SYNPO2: variants seen among roughly 807,000 people sequenced by gnomAD.
SYNPO2 encodes the protein synaptopodin-2.
In SYNPO2, 56 loss-of-function variants were observed where a neutral mutation model predicts 85.0. The observed-to-expected ratio is 0.66, with a 90% CI of 0.53 to 0.82. SYNPO2 has a LOEUF of 0.82. SYNPO2 is among the 40% of genes least tolerant of loss of function. The pLI, the probability that SYNPO2 is intolerant of heterozygous loss-of-function variation, is 0.00. For synonymous variants in SYNPO2, 602 were observed against 591.1 expected, an observed-to-expected ratio of 1.02 and a Z score of -0.27; for missense variants, 1,575 against 1,534.2, an observed-to-expected ratio of 1.03 and a Z score of -0.44.
chr4:118,914,097 G>T (rs575354046), intron 1 of SYNPO2, among the ~76,000 whole-genome samples: 1 of 152,324 alleles, frequency 6.6e-6, no homozygotes, highest in East Asian at 1.9e-4. Context: ...GGGGTCAGGA[G>T]AGGAGTGGAC....
At chr4:118,954,678 T>C (rs973683168) in intron 1 of SYNPO2, among the ~76,000 whole-genome samples, 2 of 149,244 alleles carry the variant, frequency 1.3e-5, no homozygotes, top group Non-Finnish European at 3.0e-5. Context: ...CCTTCAGATA[T>C]AGATTTATCT....
chr4:118,934,629 T>A (rs1235423113), intron 1 of SYNPO2, among the ~76,000 whole-genome samples: 2 of 152,228 alleles, frequency 1.3e-5, no homozygotes, highest in African/African-American at 4.8e-5. Flanking sequence ...TGGAAATTTA[T>A]GGCTTTTAGA....
intron 1 of SYNPO2, among the ~76,000 whole-genome samples, chr4:118,915,719 G>T (rs934514397): frequency 6.6e-6 from 1 of 152,086 alleles, no homozygotes; most frequent in Non-Finnish European, 1.5e-5. Flanking sequence ...CTGGGTCATA[G>T]GTTTGTAAAT....
intron 1 of SYNPO2, among the ~76,000 whole-genome samples, chr4:118,954,138 A>G (rs1675566347): frequency 6.6e-6 from 1 of 152,072 alleles, no homozygotes; most frequent in South Asian, 2.1e-4. Context: ...TACAGTTATT[A>G]TATTACAAAG....
chr4:119,043,829 C>G (rs1738792719), intron 4 of SYNPO2: 1 of 149,232 alleles, frequency 6.7e-6, no homozygotes, highest in Non-Finnish European at 1.5e-5. Context: ...TCCCAGGTAC[C>G]CGGCAGGGTG....
chr4:118,919,471 T>C (rs1048770204), intron 1 of SYNPO2, among the ~76,000 whole-genome samples: 12 of 152,154 alleles, frequency 7.9e-5, no homozygotes, highest in Admixed American at 5.9e-4. Flanking sequence ...TCAGTAAACA[T>C]CAGTTAAGGG....
chr4:118,964,964 G>A (rs544076064), intron 1 of SYNPO2, among the ~76,000 whole-genome samples: 71 of 152,126 alleles, frequency 4.7e-4, no homozygotes, highest in Non-Finnish European at 8.5e-4. Context: ...TCCATTTCAT[G>A]TCCTTTCGAA....
chr4:118,861,221 C>T (rs1232197311), intron 1 of SYNPO2, among the ~76,000 whole-genome samples: 2 of 152,112 alleles, frequency 1.3e-5, no homozygotes, highest in East Asian at 1.9e-4. Context: ...AGTGCGATCT[C>T]GACTCACTGC....
At chr4:118,964,721 C>T (rs1041367166) in intron 1 of SYNPO2, among the ~76,000 whole-genome samples, 4 of 151,878 alleles carry the variant, frequency 2.6e-5, no homozygotes, top group Non-Finnish European at 4.4e-5. Flanking sequence ...AGAAAGTTTA[C>T]GGTAAAGCCA....
At chr4:118,940,142 A>G (rs1578569204) in intron 1 of SYNPO2, among the ~76,000 whole-genome samples, 1 of 151,650 alleles carries the variant, frequency 6.6e-6, no homozygotes, top group East Asian at 1.9e-4. Flanking sequence ...CACGCCACCA[A>G]GCCCAGTTAA....
intron 1 of SYNPO2, among the ~76,000 whole-genome samples, chr4:119,004,476 G>A (rs1736946033): frequency 6.7e-6 from 1 of 148,370 alleles, no homozygotes; most frequent in South Asian, 2.2e-4. Context: ...AACATGCGGT[G>A]TTTGGTTTTT....
chr4:118,881,055 C>A (rs55907729), intron 1 of SYNPO2, among the ~76,000 whole-genome samples: 3,791 of 152,104 alleles, frequency 0.025, 66 homozygotes, highest in African/African-American at 0.039. Flanking sequence ...GTAATCCCAG[C>A]ACTTTGGGAG....
At chr4:119,047,346 A>T (rs998670428) in intron 4 of SYNPO2, among the ~76,000 whole-genome samples, 2 of 152,266 alleles carry the variant, frequency 1.3e-5, no homozygotes, top group African/African-American at 4.8e-5. Context: ...GGCGTAAGCC[A>T]CTGTGCCCAG....
intron 4 of SYNPO2, chr4:119,037,737 A>T: frequency 1.5e-5 from 12 of 820,086 alleles, no homozygotes; most frequent in Non-Finnish European, 1.8e-5. Context: ...CTGAGCACAA[A>T]ATTTGGGCCC....
chr4:118,875,577 G>A (rs1731890149), intron 1 of SYNPO2, among the ~76,000 whole-genome samples: 1 of 152,122 alleles, frequency 6.6e-6, no homozygotes, highest in Non-Finnish European at 1.5e-5. Flanking sequence ...ATGATTGTGT[G>A]TGCTTCCATT....
In SYNPO2 at chr4:119,030,431, A is replaced by C. The variant is rs766987793; in HGVS notation, c.1656A>C (p.Lys552Asn). The C allele has an allele frequency of 6.2e-7, 1 of 1,614,148 alleles. No homozygotes were observed. The highest frequency in any genetic ancestry group is 8.5e-7 in the Non-Finnish European group (1 of 1,180,038). Residue 552 changes from lysine (K) to asparagine (N), a missense_variant, in exon 4 of 5, where the codon AAA becomes AAC. Around this residue, in one of 3 missense-constraint regions of SYNPO2, gnomAD observed 1,508 missense variants for 1,446.8 expected, o/e 1.04. Coordinates refer to ENST00000307142, the MANE Select transcript of SYNPO2 (RefSeq NM_133477.3). ...TAAGAACGCAGAGCTCTGTGAGCAAAAGCTACATCGAGGTGAGTCATGGTC... is the reference window on the plus strand; with the variant it reads ...TAAGAACGCAGAGCTCTGTGAGCAACAGCTACATCGAGGTGAGTCATGGTC... ...ESVRTQSSVS[K>N]SYIEVSHGLG...
intron 1 of SYNPO2, among the ~76,000 whole-genome samples, chr4:118,913,342 T>C (rs186733877): frequency 1.8e-4 from 27 of 152,298 alleles, no homozygotes; most frequent in African/African-American, 6.5e-4. Flanking sequence ...CTTCCAGACC[T>C]AGGGAGTACC....
rs1737003928 is a variant in SYNPO2, at chr4:119,005,558, G to A, written c.106-17872G>A. On this transcript the variant is annotated intron_variant, in intron 1 of 4. Transcript: ENST00000307142. ...GTTGTAGATATGTGGCATTATTTCT[G>A]AGGGCTCTGTTCTGTTCCATTGGTC... 2.5e-5 allele frequency among the ~76,000 whole-genome samples: 3 copies of A among 121,288 alleles called. 1 individual carries two copies. The Admixed American group carries it at 2.5e-4, about 10-fold the overall frequency. The allele number at this position is 121,288 out of a possible 152,430, so 79.6% of individuals were successfully genotyped here. A position where few individuals can be genotyped will look rare whatever the true frequency, so the allele number is the denominator to read the frequency against.
rs560478721 is a variant in SYNPO2, at chr4:118,987,733, A to G, written c.106-35697A>G. On this transcript the variant is annotated intron_variant, in intron 1 of 4. Transcript: ENST00000307142. ...TACTGATGCATCTGAAAGTAGAATG[A>G]GAATTGTATTGCTATTTAAGTATAT... Among the ~76,000 whole-genome samples the G allele has an allele frequency of 7.2e-5, 11 of 151,950 alleles. No homozygotes were observed. The East Asian group carries it at 2.1e-3, about 29-fold the overall frequency.
Sources: gnomAD v4.1 joint callset for allele counts (sites outside exome capture counted in the v4.1 genomes callset) on GRCh38, gnomAD v4.1.1 for gene constraint, gnomAD v4.1.1 regional missense constraint, MANE v1.5 for transcripts, NCBI Gene and HGNC (gene_info 2026-07-23, HGNC 2026-07-21) for gene names.